The following NISCH variants were observed in gnomAD, a reference collection of about 807,000 sequenced individuals.
NISCH encodes I-1 receptor candidate protein.
A neutral mutation model predicts 138.4 loss-of-function variants in NISCH; 55 were observed. The ratio of observed to expected loss-of-function variants is 0.40; its 90% CI spans 0.32 to 0.50. The LOEUF is 0.50. Among genes scored for constraint, NISCH ranks in the 20% least tolerant of loss-of-function variants. NISCH has a pLI of 0.71. For synonymous variants in NISCH, 860 were observed against 861.5 expected (o/e 1.00, Z 0.03); for missense variants, 1,643 against 2,005.5 (o/e 0.82, Z 3.45).
At chr3:52,489,036 G>A (rs1262195237) in intron 16 of NISCH, among the ~76,000 whole-genome samples, 1 of 152,208 alleles carries the variant, frequency 6.6e-6, no homozygotes, top group Non-Finnish European at 1.5e-5. Context: ...GGATGGCTCT[G>A]TGGGCCAGGA....
At chr3:52,458,974 G>T in intron 3 of NISCH, 130 bp downstream of exon 3, 1 of 687,526 alleles carries the variant, frequency 1.5e-6, no homozygotes, top group Non-Finnish European at 2.4e-6. Context: ...ATGGAGGAAC[G>T]TCACCCTGGT....
At chr3:52,460,577 A>T (rs893733151) in intron 3 of NISCH, among the ~76,000 whole-genome samples, 11 of 151,830 alleles carry the variant, frequency 7.2e-5, no homozygotes, top group African/African-American at 2.4e-4. Context: ...AATTTTAAAA[A>T]TTTTTTTGTA....
In NISCH at chr3:52,484,509, C is replaced by G. The variant is rs1313619060; in HGVS notation, c.1529-4C>G. The G allele has an allele frequency of 1.2e-5, 17 of 1,424,698 alleles. No homozygotes were observed. Among genetic ancestry groups the G allele is most frequent in the Non-Finnish European group, 1.6e-5 (17 of 1,060,866 alleles). 88.3% of individuals were successfully genotyped at this position (1,424,698 alleles called of 1,614,324 possible). The stretch of plus-strand genomic sequence containing the variant: ...TGCCTGCCCACCCGCCCTGGTCTCT[C>G]CAGGAATCATGTTCGTTCAGGAGGA... On this transcript the variant is annotated splice_polypyrimidine_tract_variant and splice_region_variant and intron_variant, in intron 13 of 20. Transcript: ENST00000345716.
Position 52,492,683 on chromosome 3 carries a change from G to A in NISCH, c.*201G>A, listed in dbSNP as rs961840502. 2.4e-5 allele frequency: 17 copies of A among 716,126 alleles called. No individual in the cohort carries two copies. The Middle Eastern group carries it at 1.6e-3, about 67-fold the overall frequency. 44.4% of individuals were successfully genotyped at this position (716,126 alleles called of 1,614,324 possible). A position where few individuals can be genotyped will look rare whatever the true frequency, so the allele number is the denominator to read the frequency against. On this transcript the variant is annotated 3_prime_UTR_variant, in exon 21 of 21. Transcript: ENST00000345716. ...GAATGCCGGGCCCCTCAGGGCTGTC[G>A]GTGTGCTGTCAGCCTCCCACAGGTG...
chr3:52,461,473 C>T (rs914842948), intron 3 of NISCH, among the ~76,000 whole-genome samples: 2 of 152,130 alleles, frequency 1.3e-5, no homozygotes, highest in Non-Finnish European at 2.9e-5. Context: ...CATACCCTTT[C>T]GTAAACATAT....
At chr3:52,481,826 AC>A (rs1559637882) in intron 13 of NISCH, 2 of 985,158 alleles carry the variant, frequency 2.0e-6, no homozygotes, top group Non-Finnish European at 2.4e-6. Context: ...GCAGAGGGGC[AC>A]TCTGCAGTCT....
chr3:52,472,276 C>A (rs1471139935), intron 5 of NISCH, 27 bp from the exon 6 acceptor site: 3 of 1,607,992 alleles, frequency 1.9e-6, no homozygotes, highest in Admixed American at 1.7e-5. Flanking sequence ...ACACTGTTCC[C>A]AATTTAAGCC....
chr3:52,492,600 C>T lies in NISCH; in HGVS notation c.*118C>T, dbSNP rs1707600487. On this transcript the variant is annotated 3_prime_UTR_variant, in exon 21 of 21. Transcript: ENST00000345716. ...TTTGGTACCTTAATTTGACTGTCCT[C>T]GCAGAGAATGTGAACATGTGTGTGT... 4 of 1,233,494 alleles carry T rather than the reference C, an allele frequency of 3.2e-6. No homozygotes were observed. Among genetic ancestry groups the T allele is most frequent in the East Asian group, 2.6e-5 (1 of 39,040 alleles). 76.4% of individuals were successfully genotyped at this position (1,233,494 alleles called of 1,614,324 possible). A position where few individuals can be genotyped will look rare whatever the true frequency, so the allele number is the denominator to read the frequency against.
At chr3:52,481,978 T>A (rs1707288516) in intron 13 of NISCH, 1 of 943,538 alleles carries the variant, frequency 1.1e-6, no homozygotes, top group Admixed American at 6.2e-5. Flanking sequence ...ACTCTCCTGA[T>A]GTCTCCGCTC....
intron 9 of NISCH, 111 bp downstream of exon 9, chr3:52,477,753 G>A: frequency 2.2e-6 from 2 of 890,734 alleles, no homozygotes; most frequent in African/African-American, 1.6e-5. Context: ...AAGGGCAGGG[G>A]TTGCTGTCTT....
In NISCH at chr3:52,484,495, C is replaced by T. The variant is rs1361142575; in HGVS notation, c.1529-18C>T. The T allele has an allele frequency of 1.3e-6, 2 of 1,589,208 alleles. No individual in the cohort carries two copies. The highest frequency in any genetic ancestry group is 1.7e-6 in the Non-Finnish European group (2 of 1,165,584). On this transcript the variant is annotated intron_variant, in intron 13 of 20. Transcript: ENST00000345716. ...CCACCCACCCTGCCTGCCTGCCCACCCGCCCTGGTCTCTCCAGGAATCATG... is the reference window on the plus strand; with the variant it reads ...CCACCCACCCTGCCTGCCTGCCCACTCGCCCTGGTCTCTCCAGGAATCATG...
At chr3:52,471,538 T>C (rs1706946394) in intron 4 of NISCH, 1 of 549,156 alleles carries the variant, frequency 1.8e-6, no homozygotes, top group East Asian at 3.2e-5. Context: ...TCTGGCCCAG[T>C]GCCTTTGGTC....
At chr3:52,469,162 C>G (rs1001540603) in intron 3 of NISCH, among the ~76,000 whole-genome samples, 2 of 152,162 alleles carry the variant, frequency 1.3e-5, no homozygotes, top group Non-Finnish European at 2.9e-5. Flanking sequence ...AAGCGATGTT[C>G]CCAATGTTCC....
In NISCH at chr3:52,492,673, C is replaced by G; in HGVS notation, c.*191C>G. 1.2e-6 allele frequency: 1 copy of G among 800,692 alleles called. No homozygotes were observed. Among genetic ancestry groups the G allele is most frequent in the Admixed American group, 3.0e-5 (1 of 33,664 alleles). 49.6% of individuals were successfully genotyped at this position (800,692 alleles called of 1,614,324 possible). A position where few individuals can be genotyped will look rare whatever the true frequency, so the allele number is the denominator to read the frequency against. On this transcript the variant is annotated 3_prime_UTR_variant, in exon 21 of 21. Coordinates refer to ENST00000345716, the MANE Select transcript of NISCH (RefSeq NM_007184.4). ...TTGGGAGTGAGAATGCCGGGCCCCT[C>G]AGGGCTGTCGGTGTGCTGTCAGCCT...
intron 3 of NISCH, among the ~76,000 whole-genome samples, chr3:52,462,571 C>T (rs757692255): frequency 5.6e-4 from 86 of 152,290 alleles, no homozygotes; most frequent in Middle Eastern, 3.4e-3. Flanking sequence ...TGTGTTCTGC[C>T]TCTTGTGTTG....
intron 3 of NISCH, among the ~76,000 whole-genome samples, chr3:52,464,517 C>CTTTTTTTTTTTTTTTTTTTT (rs71084185): frequency 4.0e-5 from 3 of 75,818 alleles, no homozygotes; most frequent in East Asian, 4.8e-4. Context: ...TGTGAGTTGT[C>CTTTTTTTTTTTTTTTTTTTT]TTTTTTTTTT....
At chr3:52,490,354 G>A in intron 18 of NISCH, 123 bp downstream of exon 18, 1 of 1,102,796 alleles carries the variant, frequency 9.1e-7, no homozygotes, top group Non-Finnish European at 1.3e-6. Flanking sequence ...GCTGCAGTGG[G>A]CTGAGAGTTC....
chr3:52,458,956 G>C, intron 3 of NISCH, 112 bp downstream of exon 3: 1 of 854,772 alleles, frequency 1.2e-6, no homozygotes, highest in South Asian at 2.1e-5. Flanking sequence ...TTGACCCTAG[G>C]TTAGAAGATG....
At chr3:52,473,864 C>G (rs1353497354) in intron 7 of NISCH, 35 bp downstream of exon 7, 2 of 1,453,706 alleles carry the variant, frequency 1.4e-6, no homozygotes, top group Non-Finnish European at 1.9e-6. Flanking sequence ...GGGGCAATGT[C>G]TGTGGATCAG....
Sources: allele counts gnomAD v4.1 joint callset (sites outside exome capture counted in the v4.1 genomes callset), GRCh38; gene constraint gnomAD v4.1.1; transcripts MANE v1.5; gene names NCBI Gene and HGNC (gene_info 2026-07-23, HGNC 2026-07-21).